Variants in TMEM196 observed in about 807,000 individuals in gnomAD.
TMEM196 encodes the protein transmembrane protein 196.
A neutral mutation model predicts 20.0 loss-of-function variants in TMEM196; 17 were observed. The observed-to-expected ratio is 0.85, with a 90% CI of 0.58 to 1.27. The LOEUF (loss-of-function observed/expected upper bound fraction) is 1.27. Ranked by LOEUF, TMEM196 falls within the 50% of genes most tolerant of loss-of-function variation. The pLI, the probability that TMEM196 is intolerant of heterozygous loss-of-function variation, is 0.00. For synonymous variants in TMEM196, 113 were observed against 88.9 expected (o/e 1.27, Z -1.52); for missense variants, 267 against 223.0 (o/e 1.20, Z -1.26).
chr7:19,759,900 C>G (rs1329492908), intron 1 of TMEM196, among the ~76,000 whole-genome samples: 1 of 152,104 alleles, frequency 6.6e-6, no homozygotes, highest in East Asian at 1.9e-4. Context: ...TTAGTAGCCT[C>G]CTAATTACAC....
chr7:19,736,160 A>T (rs1201217710), intron 1 of TMEM196, among the ~76,000 whole-genome samples: 1 of 151,668 alleles, frequency 6.6e-6, no homozygotes, highest in Non-Finnish European at 1.5e-5. Context: ...TTAAAGAATA[A>T]CTCTGGAAGC....
At position 19,758,356 on chromosome 7, in the gene TMEM196, AT is replaced by A. The variant is rs1386008984; in HGVS notation, c.147+14193del. Among the ~76,000 whole-genome samples, 6 of 152,294 alleles carry A rather than the reference AT, an allele frequency of 3.9e-5. No homozygotes were observed. The East Asian group carries it at 1.2e-3, about 29-fold the overall frequency. ...GTAGAAACCTCTGAAATCTGTTAAC[AT>A]ACTAATTATATTTCCATTATGGCTT... On this transcript the variant is annotated intron_variant, in intron 1 of 4. Coordinates refer to ENST00000405844, the MANE Select transcript of TMEM196 (RefSeq NM_001363562.2).
chr7:19,743,251 C>A (rs765413314), intron 1 of TMEM196, among the ~76,000 whole-genome samples: 6 of 152,134 alleles, frequency 3.9e-5, no homozygotes, highest in Non-Finnish European at 7.4e-5. Context: ...GAGCTATCAT[C>A]CCAGATAGAG....
At chr7:19,761,435 C>T (rs1785429209) in intron 1 of TMEM196, among the ~76,000 whole-genome samples, 1 of 152,164 alleles carries the variant, frequency 6.6e-6, no homozygotes, top group African/African-American at 2.4e-5. Context: ...GGGTAATGTA[C>T]ATCTTTTATC....
At chr7:19,732,893 C>A (rs1475087483) in intron 1 of TMEM196, among the ~76,000 whole-genome samples, 3 of 152,052 alleles carry the variant, frequency 2.0e-5, no homozygotes, top group African/African-American at 7.3e-5. Context: ...AGCACTTACC[C>A]ACATCATGGC....
intron 4 of TMEM196, among the ~76,000 whole-genome samples, chr7:19,723,652 G>C (rs1473525194): frequency 2.0e-5 from 3 of 152,098 alleles, no homozygotes; most frequent in African/African-American, 4.8e-5. Flanking sequence ...AATTTGGGCT[G>C]GACCAATGTG....
chr7:19,736,471 T>C (rs1784412945), intron 1 of TMEM196, among the ~76,000 whole-genome samples: 1 of 149,440 alleles, frequency 6.7e-6, no homozygotes, highest in Admixed American at 6.7e-5. Flanking sequence ...TTTTTCAAAT[T>C]TGGCTGCATA....
intron 1 of TMEM196, among the ~76,000 whole-genome samples, chr7:19,731,862 G>A (rs1784217364): frequency 6.6e-6 from 1 of 152,178 alleles, no homozygotes; most frequent in African/African-American, 2.4e-5. Context: ...TTCAGCAGAT[G>A]AATGTAAATA....
intron 1 of TMEM196, among the ~76,000 whole-genome samples, chr7:19,756,812 A>G (rs1785237305): frequency 6.6e-6 from 1 of 152,122 alleles, no homozygotes; most frequent in East Asian, 1.9e-4. Flanking sequence ...TATCCCAGGT[A>G]TATATGAACC....
chr7:19,725,684 T>C lies in TMEM196; in HGVS notation c.289A>G (p.Thr97Ala), dbSNP rs1783976294. ...AGGTGCAGTGGGTATAGGGAGGAAG[T>C]TTTCTTTGTGACTGCCCGGAGGAAC... is the stretch of plus-strand genomic sequence containing the variant. ...FQFLRAVTKK[T>A]SSLYPLHLAS... The change falls in exon 3 of 5, where the codon ACT becomes GCT. Residue 97 changes from threonine to alanine, a missense_variant. Physicochemically the swap from Thr to Ala is moderately conservative, Grantham distance 58. Coordinates refer to ENST00000405844, the MANE Select transcript of TMEM196 (RefSeq NM_001363562.2). 1.9e-6 allele frequency: 3 copies of C among 1,613,704 alleles called. No homozygotes were observed. Among genetic ancestry groups the C allele is most frequent in the East Asian group, 4.5e-5 (2 of 44,870 alleles).
At chr7:19,753,047 C>T (rs1278235187) in intron 1 of TMEM196, among the ~76,000 whole-genome samples, 1 of 152,144 alleles carries the variant, frequency 6.6e-6, no homozygotes, top group Non-Finnish European at 1.5e-5. Context: ...TTAAATTATT[C>T]TGTACACTCT....
At chr7:19,767,636 A>G (rs1785688673) in intron 1 of TMEM196, among the ~76,000 whole-genome samples, 1 of 152,088 alleles carries the variant, frequency 6.6e-6, no homozygotes, top group Admixed American at 6.6e-5. Flanking sequence ...GAACATATTT[A>G]TAAATTACTT....
intron 1 of TMEM196, among the ~76,000 whole-genome samples, chr7:19,759,009 T>A (rs1262295977): frequency 2.0e-5 from 3 of 152,208 alleles, no homozygotes; most frequent in African/African-American, 7.2e-5. Context: ...TATTTATTTT[T>A]TTCCCTTTGT....
intron 3 of TMEM196, 107 bp downstream of exon 3, chr7:19,725,407 A>C: frequency 1.4e-6 from 2 of 1,411,140 alleles, no homozygotes; most frequent in Admixed American, 2.4e-5. Flanking sequence ...CAAATGTATA[A>C]AATCTGATTC....
At chr7:19,752,232 G>A (rs1002208173) in intron 1 of TMEM196, among the ~76,000 whole-genome samples, 1 of 152,160 alleles carries the variant, frequency 6.6e-6, no homozygotes, top group Non-Finnish European at 1.5e-5. Context: ...TAATGAAAGA[G>A]ATCTAGACTT....
intron 1 of TMEM196, among the ~76,000 whole-genome samples, chr7:19,764,863 A>G (rs1376637602): frequency 6.6e-6 from 1 of 152,172 alleles, no homozygotes; most frequent in African/African-American, 2.4e-5. Context: ...AGCCTTTAAG[A>G]CATCCTGCCT....
intron 1 of TMEM196, among the ~76,000 whole-genome samples, chr7:19,742,316 G>T (rs1784608363): frequency 6.6e-6 from 1 of 151,994 alleles, no homozygotes; most frequent in African/African-American, 2.4e-5. Context: ...AACAATGACT[G>T]GTCTTCGAAG....
rs560656728 is a variant in TMEM196 at position 19,721,871 on chromosome 7, G to A, written c.*257C>T. 5.9e-6 allele frequency: 3 copies of A among 507,068 alleles called. No individual in the cohort carries two copies. Among genetic ancestry groups the A allele is most frequent in the South Asian group, 2.6e-5 (1 of 38,856 alleles). 31.4% of individuals were successfully genotyped at this position (507,068 alleles called of 1,614,324 possible). A position where few individuals can be genotyped will look rare whatever the true frequency, so the allele number is the denominator to read the frequency against. ...ATCTGGAAAGCCTCTTGAAATTATTGTACTAGAATGTTTCTGGAAAGTTTT... is the reference window on the plus strand; with the variant it reads ...ATCTGGAAAGCCTCTTGAAATTATTATACTAGAATGTTTCTGGAAAGTTTT... On this transcript the variant is annotated 3_prime_UTR_variant, in exon 5 of 5. Transcript: ENST00000405844.
intron 2 of TMEM196, among the ~76,000 whole-genome samples, chr7:19,729,094 T>G (rs990440214): frequency 1.3e-5 from 2 of 152,148 alleles, no homozygotes; most frequent in African/African-American, 4.8e-5. Flanking sequence ...AGTCTCCAGA[T>G]TGGAAAACTA....
Sources: gnomAD v4.1 joint callset for allele counts (sites outside exome capture counted in the v4.1 genomes callset) on GRCh38, gnomAD v4.1.1 for gene constraint, MANE v1.5 for transcripts, NCBI Gene and HGNC (gene_info 2026-07-23, HGNC 2026-07-21) for gene names.